HIF3A: variants seen among roughly 807,000 people sequenced by gnomAD.
The protein encoded by HIF3A is hypoxia inducible factor 3 subunit alpha, also known as hypoxia-inducible factor 3-alpha.
In HIF3A, 41 loss-of-function variants were observed where a neutral mutation model predicts 67.2. The ratio of observed to expected loss-of-function variants is 0.61; its 90% CI spans 0.48 to 0.79. The LOEUF (loss-of-function observed/expected upper bound fraction) is 0.79, where lower values mean the gene tolerates loss of function less well. HIF3A is among the 30% of genes least tolerant of loss of function. HIF3A has a pLI of 0.00. For synonymous variants in HIF3A, 356 were observed against 374.8 expected (o/e 0.95, Z 0.58); for missense variants, 855 against 898.0 (o/e 0.95, Z 0.61).
rs202018583 is a variant in HIF3A, at chr19:46,339,626, G to A, written c.*4G>A. The A allele has an allele frequency of 2.6e-3, 4,204 of 1,588,466 alleles. 10 individuals are homozygous for A. The highest frequency in any genetic ancestry group is 3.2e-3 in the Non-Finnish European group (3,675 of 1,165,672). ...AGGCTCAGCCCAGGCTGACTGAGCCGGCTCCTCTCCCCATCTGCCTTCTCC... is the reference window on the plus strand; with the variant it reads ...AGGCTCAGCCCAGGCTGACTGAGCCAGCTCCTCTCCCCATCTGCCTTCTCC... On this transcript the variant is annotated 3_prime_UTR_variant, in exon 15 of 15. Coordinates refer to ENST00000377670, the MANE Select transcript of HIF3A (RefSeq NM_152795.4).
intron 14 of HIF3A, among the ~76,000 whole-genome samples, chr19:46,335,428 C>G (rs866645519): frequency 1.3e-5 from 2 of 151,944 alleles, no homozygotes; most frequent in African/African-American, 2.4e-5. Flanking sequence ...TGCCACCACA[C>G]CTGGCTAATT....
chr19:46,322,068 C>T, intron 10 of HIF3A, 102 bp downstream of exon 10: 2 of 1,216,596 alleles, frequency 1.6e-6, no homozygotes, highest in East Asian at 2.5e-5. Flanking sequence ...GCCTCAGCTT[C>T]TCCATCTGTG....
At chr19:46,338,601 G>T in intron 14 of HIF3A, 1 of 920,718 alleles carries the variant, frequency 1.1e-6, no homozygotes, top group Non-Finnish European at 1.4e-6. Context: ...TTTCTCACCA[G>T]TACTAGTTAT....
At position 46,304,095 on chromosome 19, in the gene HIF3A, C is replaced by T. The variant is rs1351682888; in HGVS notation, c.217+7C>T. The T allele has an allele frequency of 6.4e-7, 1 of 1,552,384 alleles. No homozygotes were observed. Among genetic ancestry groups the T allele is most frequent in the Non-Finnish European group, 8.7e-7 (1 of 1,150,426 alleles). On this transcript the variant is annotated splice_region_variant and intron_variant, in intron 2 of 14. Transcript: ENST00000377670. ...CACCGCCTCTGCGCCGCAGGTGAGCCCCGCCCGCGGGAATTCCCGTCTTGG... is the reference window on the plus strand; with the variant it reads ...CACCGCCTCTGCGCCGCAGGTGAGCTCCGCCCGCGGGAATTCCCGTCTTGG...
At chr19:46,309,908 G>A (rs917414363) in intron 6 of HIF3A, among the ~76,000 whole-genome samples, 3 of 151,860 alleles carry the variant, frequency 2.0e-5, no homozygotes, top group Admixed American at 6.6e-5. Flanking sequence ...ACAACATAGG[G>A]AGACCCCGTC....
chr19:46,312,621 G>T lies in HIF3A; in HGVS notation c.993G>T (p.Ser331=). Reference sequence around the variant, plus strand: ...TGTCAGGGGGACGGGGCCCCCAGTCGGAGAGTATCGTCTGTGTCCATTTTT... The same window carrying T: ...TGTCAGGGGGACGGGGCCCCCAGTCTGAGAGTATCGTCTGTGTCCATTTTT... ...TVVSGGRGPQ[S]ESIVCVHFLI... The change falls in exon 8 of 15, where the codon TCG becomes TCT. Residue 331 remains serine, a synonymous_variant. Transcript: ENST00000377670. The T allele has an allele frequency of 3.2e-6, 5 of 1,584,994 alleles. No homozygotes were observed. Among genetic ancestry groups the T allele is most frequent in the Non-Finnish European group, 1.7e-6 (2 of 1,165,264 alleles).
chr19:46,304,210 G>GT (rs11355187), intron 2 of HIF3A, 122 bp downstream of exon 2: 14 of 810,262 alleles, frequency 1.7e-5, no homozygotes, highest in South Asian at 8.9e-5. Context: ...CCCTGGTGTC[G>GT]TTTTTTTCGG....
At chr19:46,321,423 A>G (rs1365591545) in intron 9 of HIF3A, among the ~76,000 whole-genome samples, 9 of 152,252 alleles carry the variant, frequency 5.9e-5, no homozygotes, top group Admixed American at 5.9e-4. Context: ...GTCTCTATAA[A>G]AAATACAAAA....
chr19:46,308,815 G>C, intron 5 of HIF3A, 40 bp downstream of exon 5: 2 of 1,346,994 alleles, frequency 1.5e-6, no homozygotes, highest in East Asian at 4.9e-5. Context: ...GGACGCTGGG[G>C]CTGGGTGTGA....
intron 8 of HIF3A, among the ~76,000 whole-genome samples, chr19:46,314,601 A>G (rs528559610): frequency 6.8e-6 from 1 of 146,858 alleles, no homozygotes; most frequent in South Asian, 2.2e-4. Context: ...CTTGTCACTC[A>G]GGCTGGAGTG....
rs983570349 is a variant in HIF3A, at chr19:46,314,355, G to C, written c.1025+1702G>C. 2.4e-5 allele frequency among the ~76,000 whole-genome samples: 3 copies of C among 124,496 alleles called. 1 individual carries two copies. Among genetic ancestry groups the C allele is most frequent in the Non-Finnish European group, 5.1e-5 (3 of 58,764 alleles). 81.7% of individuals were successfully genotyped at this position (124,496 alleles called of 152,430 possible). A position where few individuals can be genotyped will look rare whatever the true frequency, so the allele number is the denominator to read the frequency against. ...TGGTTAAGACTCAACCGCAAAAAAA[G>C]AAAAACAGAAAACCTGAAAACAAAC... On this transcript the variant is annotated intron_variant, in intron 8 of 14. Transcript: ENST00000377670.
At chr19:46,309,055 A>C in intron 5 of HIF3A, 96 bp from the exon 6 acceptor site, 1 of 1,041,768 alleles carries the variant, frequency 9.6e-7, no homozygotes, top group African/African-American at 1.6e-5. Flanking sequence ...TTGGAATCTC[A>C]GCTCCCTGAT....
At chr19:46,331,478 T>C (rs1262248024) in intron 13 of HIF3A, 1 of 174,316 alleles carries the variant, frequency 5.7e-6, no homozygotes, top group African/African-American at 3.0e-5. Flanking sequence ...ATTGCGCCAC[T>C]GCACCCCAGC....
rs752618913 is a variant in HIF3A, at chr19:46,325,675, C to G, written c.1440+36C>G. 4.9e-6 allele frequency: 7 copies of G among 1,419,214 alleles called. No individual in the cohort carries two copies. In the East Asian group the frequency reaches 1.6e-4, roughly 32 times the overall value. The allele number at this position is 1,419,214 out of a possible 1,614,324, so 87.9% of individuals were successfully genotyped here. A position where few individuals can be genotyped will look rare whatever the true frequency, so the allele number is the denominator to read the frequency against. ...GCATGGAAGGGAGTAATCCTCAGCC[C>G]TGTGTTCTGGGGATTCACATATGTG... On this transcript the variant is annotated intron_variant, in intron 11 of 14. Transcript: ENST00000377670.
intron 8 of HIF3A, among the ~76,000 whole-genome samples, chr19:46,319,212 GTTCGA>G (rs1321852807): frequency 6.6e-6 from 1 of 152,152 alleles, no homozygotes; most frequent in Admixed American, 6.6e-5. Flanking sequence ...GTGTATACAA[GTTCGA>G]TTGTGTGTGC....
chr19:46,313,824 G>A (rs770535010), intron 8 of HIF3A, among the ~76,000 whole-genome samples: 55 of 150,642 alleles, frequency 3.7e-4, no homozygotes, highest in Non-Finnish European at 5.3e-4. Context: ...AACACGCCCA[G>A]CTAATTTTTA....
intron 14 of HIF3A, among the ~76,000 whole-genome samples, chr19:46,337,469 A>C (rs978913836): frequency 6.6e-6 from 1 of 151,974 alleles, no homozygotes; most frequent in Non-Finnish European, 1.5e-5. Flanking sequence ...AGGTCTTGCT[A>C]TGTTGCTCAG....
In HIF3A at chr19:46,312,157, C is replaced by G; in HGVS notation, c.771-4C>G. 6.2e-7 allele frequency: 1 copy of G among 1,613,652 alleles called. No homozygotes were observed. Among genetic ancestry groups the G allele is most frequent in the South Asian group, 1.1e-5 (1 of 91,078 alleles). ...GACCAGACCCCACTCCGCCCCACCC[C>G]CAGGATTGCAGAAGTGGCTGGCTAT... On this transcript the variant is annotated splice_polypyrimidine_tract_variant and splice_region_variant and intron_variant, in intron 6 of 14. Transcript: ENST00000377670.
At chr19:46,304,240 A>G in intron 2 of HIF3A, 152 bp downstream of exon 2, 1 of 650,534 alleles carries the variant, frequency 1.5e-6, no homozygotes. Context: ...ACCCCCCTGG[A>G]ATCGACTTCC....
Sources: allele counts gnomAD v4.1 joint callset (sites outside exome capture counted in the v4.1 genomes callset), GRCh38; gene constraint gnomAD v4.1.1; transcripts MANE v1.5; gene names NCBI Gene and HGNC (gene_info 2026-07-23, HGNC 2026-07-21).